CLIP1: variants seen among roughly 807,000 people sequenced by gnomAD.
CLIP1 encodes CAP-Gly domain-containing linker protein 1.
Under a neutral mutation model 161.6 loss-of-function variants are expected in CLIP1, and 66 were observed. The observed-to-expected ratio is 0.41, with a 90% confidence interval of 0.33 to 0.50. CLIP1 has a LOEUF of 0.50. Among genes scored for constraint, CLIP1 ranks in the 20% least tolerant of loss-of-function variants. The pLI, the probability that CLIP1 is intolerant of heterozygous loss-of-function variation, is 0.27. For synonymous variants in CLIP1, 598 were observed against 626.2 expected (o/e 0.96, Z 0.67); for missense variants, 1,376 against 1,702.0 (o/e 0.81, Z 3.37).
At chr12:122,306,579 G>A (rs920606627) in intron 20 of CLIP1, among the ~76,000 whole-genome samples, 1 of 152,202 alleles carries the variant, frequency 6.6e-6, no homozygotes, top group Middle Eastern at 3.4e-3. Context: ...TGCAGAGCCC[G>A]CACCTGACCA....
At chr12:122,283,888 T>G (rs1410349302) in intron 21 of CLIP1, among the ~76,000 whole-genome samples, 1 of 152,180 alleles carries the variant, frequency 6.6e-6, no homozygotes, top group Non-Finnish European at 1.5e-5. Flanking sequence ...AATTCAAGTG[T>G]TGACTAAGCT....
At chr12:122,314,562 G>A (rs1245113834) in intron 19 of CLIP1, among the ~76,000 whole-genome samples, 2 of 152,158 alleles carry the variant, frequency 1.3e-5, no homozygotes, top group African/African-American at 2.4e-5. Flanking sequence ...TCTTGGCCAG[G>A]TCCACTTGGC....
intron 4 of CLIP1, among the ~76,000 whole-genome samples, chr12:122,362,169 G>T (rs969782580): frequency 6.6e-6 from 1 of 151,010 alleles, no homozygotes; most frequent in Non-Finnish European, 1.5e-5. Flanking sequence ...GGCCAGGATG[G>T]TCTCGAACTC....
intron 17 of CLIP1, chr12:122,322,842 A>G (rs1422839090): frequency 6.6e-6 from 1 of 152,566 alleles, no homozygotes; most frequent in Non-Finnish European, 1.5e-5. Context: ...TCGGAACAAC[A>G]CGTGTTAAGT....
At chr12:122,354,835 G>C in intron 6 of CLIP1, 2 of 576,660 alleles carry the variant, frequency 3.5e-6, no homozygotes, top group South Asian at 4.3e-5. Context: ...ATCAATCATT[G>C]GTAAGGCCCT....
intron 1 of CLIP1, among the ~76,000 whole-genome samples, chr12:122,386,779 C>T (rs965114195): frequency 6.9e-6 from 1 of 144,118 alleles, no homozygotes; most frequent in Non-Finnish European, 1.5e-5. Flanking sequence ...GCAGGAGGAT[C>T]GTTTAAGCCA....
At chr12:122,342,524 G>A (rs1188099660) in intron 10 of CLIP1, 2 of 152,160 alleles carry the variant, frequency 1.3e-5, no homozygotes, top group Non-Finnish European at 2.9e-5. Flanking sequence ...AGACTTAGAA[G>A]AAAAGGATCA....
chr12:122,417,848 A>G (rs1277819675), intron 1 of CLIP1, among the ~76,000 whole-genome samples: 2 of 152,170 alleles, frequency 1.3e-5, no homozygotes, highest in African/African-American at 4.8e-5. Context: ...CAACAAATAC[A>G]TATTTTAAGG....
At position 122,364,069 on chromosome 12, in the gene CLIP1, C is replaced by T; in HGVS notation, c.696G>A (p.Gly232=). The change falls in exon 4 of 26, where the codon GGG becomes GGA. Residue 232 remains glycine, a synonymous_variant. Transcript: ENST00000620786. ...GTKAGVVRFL[G]ETDFAKGEWC... ...ACTCCCCCTTGGCAAAGTCGGTCTCCCCAAGAAACCGGACTACACCAGCCT... is the reference window on the plus strand; with the variant it reads ...ACTCCCCCTTGGCAAAGTCGGTCTCTCCAAGAAACCGGACTACACCAGCCT... 6.2e-7 allele frequency: 1 copy of T among 1,614,060 alleles called. No individual in the cohort carries two copies. The highest frequency in any genetic ancestry group is 8.5e-7 in the Non-Finnish European group (1 of 1,180,000).
intron 12 of CLIP1, among the ~76,000 whole-genome samples, chr12:122,335,500 C>A (rs1054680092): frequency 6.6e-5 from 10 of 151,432 alleles, no homozygotes; most frequent in Non-Finnish European, 1.3e-4. Context: ...GCAATGAACT[C>A]AAAACATTTT....
chr12:122,378,616 C>T (rs1309215887), intron 2 of CLIP1, among the ~76,000 whole-genome samples: 1 of 152,188 alleles, frequency 6.6e-6, no homozygotes, highest in Non-Finnish European at 1.5e-5. Flanking sequence ...GCTACACCCG[C>T]CACCCTGCAC....
intron 1 of CLIP1, among the ~76,000 whole-genome samples, chr12:122,420,954 G>A (rs1318220852): frequency 6.6e-6 from 1 of 150,652 alleles, no homozygotes; most frequent in Non-Finnish European, 1.5e-5. Flanking sequence ...TTGATTGATT[G>A]ATGGATGGAT....
intron 3 of CLIP1, among the ~76,000 whole-genome samples, chr12:122,373,441 A>T (rs1417087954): frequency 2.0e-5 from 3 of 151,722 alleles, no homozygotes; most frequent in African/African-American, 7.3e-5. Flanking sequence ...AGAAAAAAAA[A>T]AAGTTAATAT....
At chr12:122,277,991 G>T in intron 24 of CLIP1, 163 bp downstream of exon 24, 1 of 684,102 alleles carries the variant, frequency 1.5e-6, no homozygotes, top group Non-Finnish European at 2.6e-6. Context: ...GACATTTAAT[G>T]TATATATTTT....
chr12:122,409,071 A>G (rs1339295353), intron 1 of CLIP1, among the ~76,000 whole-genome samples: 1 of 151,848 alleles, frequency 6.6e-6, no homozygotes, highest in Non-Finnish European at 1.5e-5. Context: ...TTGGCCTCCC[A>G]GAGTGCTGGG....
At chr12:122,394,857 TAAA>T (rs926939455) in intron 1 of CLIP1, among the ~76,000 whole-genome samples, 6 of 150,954 alleles carry the variant, frequency 4.0e-5, no homozygotes, top group Non-Finnish European at 5.9e-5. Flanking sequence ...GGCTCAAAAA[TAAA>T]AAAAAAGAAG....
chr12:122,397,943 A>G (rs752211765), intron 1 of CLIP1, among the ~76,000 whole-genome samples: 3 of 149,470 alleles, frequency 2.0e-5, no homozygotes, highest in African/African-American at 4.9e-5. Context: ...CAACAGAGTG[A>G]GACGCCGTCT....
At chr12:122,338,866 C>T (rs959089734) in intron 11 of CLIP1, among the ~76,000 whole-genome samples, 2 of 152,124 alleles carry the variant, frequency 1.3e-5, no homozygotes, top group African/African-American at 4.8e-5. Context: ...ATTTCGGAAC[C>T]ACATGAGGAG....
chr12:122,338,208 C>G (rs1391376426), intron 11 of CLIP1, among the ~76,000 whole-genome samples: 1 of 151,772 alleles, frequency 6.6e-6, no homozygotes, highest in African/African-American at 2.4e-5. Context: ...CGTGGTGGCA[C>G]ACACCTGTGA....
Sources: allele counts gnomAD v4.1 joint callset (sites outside exome capture counted in the v4.1 genomes callset), GRCh38; gene constraint gnomAD v4.1.1; transcripts MANE v1.5; gene names NCBI Gene and HGNC (gene_info 2026-07-23, HGNC 2026-07-21).